The following TSNARE1 variants were observed in gnomAD, a reference collection of about 807,000 sequenced individuals.
The protein encoded by TSNARE1 is t-SNARE domain containing 1, also known as t-SNARE domain-containing protein 1.
A neutral mutation model predicts 62.0 loss-of-function variants in TSNARE1; 49 were observed. The observed-to-expected ratio is 0.79, with a 90% CI of 0.63 to 1.00. The LOEUF is 1.00. Among genes scored for constraint, TSNARE1 ranks in the 50% least tolerant of loss-of-function variants. The pLI is 0.00. For missense variants in TSNARE1, 755 were observed against 700.1 expected, an observed-to-expected ratio of 1.08 and a Z score of -0.88; for synonymous variants, 328 against 294.4, an observed-to-expected ratio of 1.11 and a Z score of -1.17.
At chr8:142,343,356 T>A (rs181522454) in intron 4 of TSNARE1, among the ~76,000 whole-genome samples, 1 of 151,800 alleles carries the variant, frequency 6.6e-6, no homozygotes, top group Non-Finnish European at 1.5e-5. Flanking sequence ...TTTTCTTTCA[T>A]GAGTAGCACA....
At chr8:142,315,185 C>A (rs1329445640) in intron 7 of TSNARE1, 93 bp from the exon 8 acceptor site, 1 of 1,262,606 alleles carries the variant, frequency 7.9e-7, no homozygotes, top group African/African-American at 1.5e-5. Flanking sequence ...CGATGTCCCA[C>A]CTTCCCACAC....
In TSNARE1 at chr8:142,319,120, C is replaced by G. The variant is rs1829079002; in HGVS notation, c.894-486G>C. ...CCCAGCCAGAACAGTGGCAGCCGGG[C>G]CCCACCAATCGGCCACTGCGAGGAC... is the stretch of plus-strand genomic sequence containing the variant. On this transcript the variant is annotated intron_variant, in intron 6 of 13. Transcript: ENST00000524325. The surrounding 1 kb of genome is among the most constrained non-coding windows in gnomAD (Gnocchi z 4.9). Among the ~76,000 whole-genome samples the G allele has an allele frequency of 6.6e-6, 1 of 152,022 alleles. No individual in the cohort carries two copies. Among genetic ancestry groups the G allele is most frequent in the East Asian group, 2.0e-4 (1 of 5,122 alleles).
intron 12 of TSNARE1, among the ~76,000 whole-genome samples, chr8:142,249,369 C>T (rs959126879): frequency 6.6e-6 from 1 of 152,086 alleles, no homozygotes; most frequent in Non-Finnish European, 1.5e-5. Context: ...CCGAGGCCAG[C>T]GTGTGTGAGA....
rs142345541 is a variant in TSNARE1 at position 142,308,578 on chromosome 8, G to A, written c.1131+5806C>T. ...CGTTGGTGTGTCCATAGGCTGGTGT[G>A]TCCACGGCTTGGTGTGTCCGTGGGC... On this transcript the variant is annotated intron_variant, in intron 9 of 13. Transcript: ENST00000524325. Among the ~76,000 whole-genome samples, 31 of 152,190 alleles carry A rather than the reference G, an allele frequency of 2.0e-4. No individual in the cohort carries two copies. The East Asian group carries it at 6.0e-3, about 29-fold the overall frequency.
At chr8:142,378,058 T>G (rs1417153155) in intron 1 of TSNARE1, among the ~76,000 whole-genome samples, 2 of 152,200 alleles carry the variant, frequency 1.3e-5, no homozygotes, top group Middle Eastern at 3.2e-3. Flanking sequence ...CAGCAGTCCC[T>G]GATCCAGCCA....
At chr8:142,252,087 C>T (rs1340136150) in intron 12 of TSNARE1, among the ~76,000 whole-genome samples, 1 of 151,360 alleles carries the variant, frequency 6.6e-6, no homozygotes, top group Non-Finnish European at 1.5e-5. Flanking sequence ...ACCCACCGCT[C>T]GCGTTCTCTA....
chr8:142,314,785 T>A (rs1249079795), intron 8 of TSNARE1, among the ~76,000 whole-genome samples: 1 of 152,210 alleles, frequency 6.6e-6, no homozygotes, highest in Non-Finnish European at 1.5e-5. Flanking sequence ...CTACTGTGGG[T>A]CAGCTCTTGA....
Position 142,344,101 on chromosome 8 carries a change from TC to T in TSNARE1, c.609del (p.Lys204ArgfsTer72). ...CCAGGGCTGGGGCCATGGGCCGCCT[TC>T]CGGAGGTCGCCCAGCTTGCGCCGCA... ...AVVRRKLGDL[R>X]KAAHGPSPGS... is the part of the protein sequence containing the mutation. On this transcript the variant is annotated frameshift_variant, in exon 4 of 14. Coordinates refer to ENST00000524325, the MANE Select transcript of TSNARE1 (RefSeq NM_145003.5). LOFTEE classifies it high-confidence loss of function. 6.2e-7 allele frequency: 1 copy of T among 1,610,750 alleles called. No individual in the cohort carries two copies. The highest frequency in any genetic ancestry group is 8.5e-7 in the Non-Finnish European group (1 of 1,178,424).
intron 1 of TSNARE1, among the ~76,000 whole-genome samples, chr8:142,402,604 G>A (rs1192936137): frequency 2.6e-5 from 4 of 152,236 alleles, no homozygotes; most frequent in East Asian, 1.9e-4. Flanking sequence ...TTGGAGAAGG[G>A]ACAGAAAGGC....
chr8:142,321,571 G>A lies in TSNARE1; in HGVS notation c.894-2937C>T, dbSNP rs147576603. On this transcript the variant is annotated intron_variant, in intron 6 of 13. Coordinates refer to ENST00000524325, the MANE Select transcript of TSNARE1 (RefSeq NM_145003.5). ...ACATTACACAACTCTGCCTAGACAG[G>A]TCAAGAGGGAAAAAAACCACACTTG... Among the ~76,000 whole-genome samples, 4 of 152,174 alleles carry A rather than the reference G, an allele frequency of 2.6e-5. No homozygotes were observed. In the East Asian group the frequency reaches 7.7e-4, roughly 29 times the overall value.
intron 12 of TSNARE1, among the ~76,000 whole-genome samples, chr8:142,256,631 A>G (rs1367810406): frequency 6.6e-6 from 1 of 151,964 alleles, no homozygotes. Flanking sequence ...CACCACCACC[A>G]CAATCAGCAG....
chr8:142,345,887 C>G lies in TSNARE1; in HGVS notation c.94G>C (p.Ala32Pro), dbSNP rs745410647. 1.2e-6 allele frequency: 2 copies of G among 1,613,272 alleles called. No homozygotes were observed. The highest frequency in any genetic ancestry group is 2.7e-5 in the African/African-American group (2 of 74,908). ...ATTCCATACTCGGTCCAACATCTAG[C>G]GCACTCTACGGACAGCAAGGGACAG... ...SRQGCQPLEC[A>P]RCWTEYGIRH... Residue 32 changes from alanine to proline, a missense_variant, in exon 3 of 14, where the codon GCT becomes CCT. Ala to Pro is a conservative substitution (Grantham distance 27). Coordinates refer to ENST00000524325, the MANE Select transcript of TSNARE1 (RefSeq NM_145003.5).
At chr8:142,290,322 G>A (rs1823543541) in intron 10 of TSNARE1, among the ~76,000 whole-genome samples, 1 of 152,246 alleles carries the variant, frequency 6.6e-6, no homozygotes, top group Non-Finnish European at 1.5e-5. Context: ...TGGCACGGCA[G>A]CCAGAGGGCG....
At chr8:142,273,408 C>A in intron 12 of TSNARE1, 1 of 985,426 alleles carries the variant, frequency 1.0e-6, no homozygotes, top group Non-Finnish European at 1.2e-6. Flanking sequence ...CCTTCTGCCT[C>A]CTGGAGGCCC....
chr8:142,275,655 C>T, intron 11 of TSNARE1: 2 of 985,466 alleles, frequency 2.0e-6, no homozygotes, highest in African/African-American at 1.7e-5. Context: ...AAGCCTTCTT[C>T]CCGGAGGGAG....
rs1490336378 is a variant in TSNARE1 at position 142,271,432 on chromosome 8, G to A, written c.1446+3349C>T. 14 of 1,254,070 alleles carry A rather than the reference G, an allele frequency of 1.1e-5. No homozygotes were observed. The South Asian group carries it at 2.3e-4, about 21-fold the overall frequency. The allele number at this position is 1,254,070 out of a possible 1,614,324, so 77.7% of individuals were successfully genotyped here. A position where few individuals can be genotyped will look rare whatever the true frequency, so the allele number is the denominator to read the frequency against. On this transcript the variant is annotated intron_variant, in intron 12 of 13. Transcript: ENST00000524325. ...AGTCCAGCAGCTGCTGCTCAAATGC[G>A]GACGTTTCAGATGCTGCCGCTGGGG...
chr8:142,229,022 G>A (rs1263446856), intron 13 of TSNARE1, among the ~76,000 whole-genome samples: 1 of 151,892 alleles, frequency 6.6e-6, no homozygotes, highest in African/African-American at 2.4e-5. Context: ...TGAGTTGATG[G>A]ATGGATGGAT....
chr8:142,396,473 G>T (rs1837905057), intron 1 of TSNARE1, among the ~76,000 whole-genome samples: 2 of 152,166 alleles, frequency 1.3e-5, no homozygotes, highest in Non-Finnish European at 2.9e-5. Flanking sequence ...GCCACACTCT[G>T]CTCTGGAACA....
chr8:142,406,004 G>A (rs182491241), upstream of TSNARE1: 380 of 152,392 alleles, frequency 2.5e-3, 2 homozygotes, highest in Non-Finnish European at 2.9e-3. Flanking sequence ...GACACTGTTT[G>A]CCCAGGGGAT....
Sources: allele counts gnomAD v4.1 joint callset (sites outside exome capture counted in the v4.1 genomes callset), GRCh38; gene constraint gnomAD v4.1.1; non-coding constraint Gnocchi (gnomAD v3.1); transcripts MANE v1.5; gene names NCBI Gene and HGNC (gene_info 2026-07-23, HGNC 2026-07-21).